The following KCNK10 variants were observed in gnomAD, a reference collection of about 807,000 sequenced individuals.
KCNK10 encodes potassium two pore domain channel subfamily K member 10.
A neutral mutation model predicts 47.7 loss-of-function variants in KCNK10; 25 were observed. The ratio of observed to expected loss-of-function variants is 0.52; its 90% confidence interval spans 0.38 to 0.73. The LOEUF (loss-of-function observed/expected upper bound fraction) is 0.73. Among genes scored for constraint, KCNK10 ranks in the 30% least tolerant of loss-of-function variants. KCNK10 has a pLI of 0.00. For synonymous variants in KCNK10, 303 were observed against 285.6 expected (o/e 1.06, Z -0.61); for missense variants, 563 against 714.5 (o/e 0.79, Z 2.42).
intron 1 of KCNK10, among the ~76,000 whole-genome samples, chr14:88,313,341 T>C (rs1888365416): frequency 6.6e-6 from 1 of 152,206 alleles, no homozygotes; most frequent in African/African-American, 2.4e-5. Flanking sequence ...AACGTGAATG[T>C]GATCACCCCC....
At chr14:88,261,579 C>G (rs1441158255) in intron 2 of KCNK10, among the ~76,000 whole-genome samples, 1 of 152,114 alleles carries the variant, frequency 6.6e-6, no homozygotes, top group Non-Finnish European at 1.5e-5. Flanking sequence ...ATGGTGAAAA[C>G]CTGTCTCTAC....
chr14:88,288,599 T>C (rs911581935), intron 1 of KCNK10, among the ~76,000 whole-genome samples: 1 of 152,180 alleles, frequency 6.6e-6, no homozygotes, highest in Non-Finnish European at 1.5e-5. Context: ...CACTGCATGC[T>C]GAAAACCTTC....
chr14:88,263,264 T>G lies in KCNK10; in HGVS notation c.340A>C (p.Lys114Gln), dbSNP rs1249733656. ...SSQKNTIALE[K>Q]AEFLRDHVCV... The stretch of plus-strand genomic sequence containing the variant: ...ACATGATCCCGCAGGAATTCCGCCT[T>G]CTCCAAGGCGATGGTATTCTTCTGG... The change falls in exon 2 of 7, where the codon AAG (lysine) becomes CAG (glutamine). Residue 114 changes from lysine to glutamine, a missense_variant. Lys to Gln is a moderately conservative substitution (Grantham distance 53). Coordinates refer to ENST00000319231, the MANE Select transcript of KCNK10 (RefSeq NM_138317.3). 5 of 1,614,012 alleles carry G rather than the reference T, an allele frequency of 3.1e-6. No individual in the cohort carries two copies. The African/African-American group carries it at 6.7e-5, about 22-fold the overall frequency.
intron 4 of KCNK10, among the ~76,000 whole-genome samples, chr14:88,212,040 C>G (rs76858037): frequency 0.045 from 6,738 of 151,134 alleles, 424 homozygotes; most frequent in East Asian, 0.25. Context: ...ATGGCACTCC[C>G]TTCTGAAGGT....
chr14:88,194,170 T>C (rs750066452), intron 4 of KCNK10, among the ~76,000 whole-genome samples: 9 of 152,332 alleles, frequency 5.9e-5, no homozygotes, highest in East Asian at 3.9e-4. Context: ...GTTGAAACTA[T>C]ATATGAAAAT....
At chr14:88,231,479 TC>T (rs1185259198) in intron 3 of KCNK10, among the ~76,000 whole-genome samples, 3 of 152,050 alleles carry the variant, frequency 2.0e-5, no homozygotes, top group Non-Finnish European at 2.9e-5. Flanking sequence ...TGAAAATGCC[TC>T]ACAGACTAAA....
chr14:88,197,442 A>G (rs1480748724), intron 4 of KCNK10, among the ~76,000 whole-genome samples: 1 of 151,742 alleles, frequency 6.6e-6, no homozygotes, highest in Non-Finnish European at 1.5e-5. Flanking sequence ...GCATGGTGGC[A>G]GATGTCTGTA....
intron 2 of KCNK10, among the ~76,000 whole-genome samples, chr14:88,255,971 A>G (rs907169161): frequency 6.6e-5 from 10 of 152,244 alleles, no homozygotes; most frequent in African/African-American, 2.2e-4. Context: ...AACAATCAGT[A>G]AGTGGTAGCT....
intron 4 of KCNK10, among the ~76,000 whole-genome samples, chr14:88,216,205 G>A (rs1595085553): frequency 6.6e-6 from 1 of 152,288 alleles, no homozygotes; most frequent in Non-Finnish European, 1.5e-5. Context: ...AAGGAGGAGA[G>A]TTCTGAGTCG....
At chr14:88,277,886 T>TA (rs1314151430) in intron 1 of KCNK10, among the ~76,000 whole-genome samples, 1 of 152,220 alleles carries the variant, frequency 6.6e-6, no homozygotes, top group African/African-American at 2.4e-5. Flanking sequence ...TTTCTCCTGC[T>TA]AGAGGATAAG....
At chr14:88,215,627 G>C (rs992465323) in intron 4 of KCNK10, among the ~76,000 whole-genome samples, 1 of 152,000 alleles carries the variant, frequency 6.6e-6, no homozygotes, top group African/African-American at 2.4e-5. Flanking sequence ...ACAAATGACC[G>C]ATCCAAGGCT....
intron 5 of KCNK10, among the ~76,000 whole-genome samples, chr14:88,191,339 A>AC (rs1315005984): frequency 8.7e-4 from 119 of 136,070 alleles, no homozygotes; most frequent in African/African-American, 3.2e-3. Context: ...CTGGTAAAGG[A>AC]AACACACACA....
chr14:88,183,530 T>C lies in KCNK10; in HGVS notation c.*2005A>G, dbSNP rs564780060. ...TTTTGTCAGGCTGGAATGATTCCCA[T>C]AGTAAAACTCAACATCCACACCTGC... is the stretch of plus-strand genomic sequence containing the variant. On this transcript the variant is annotated 3_prime_UTR_variant, in exon 7 of 7. Coordinates refer to ENST00000319231, the MANE Select transcript of KCNK10 (RefSeq NM_138317.3). 2 of 152,506 alleles carry C rather than the reference T, an allele frequency of 1.3e-5. No individual in the cohort carries two copies. Among genetic ancestry groups the C allele is most frequent in the East Asian group, 1.9e-4 (1 of 5,316 alleles). 9.4% of individuals were successfully genotyped at this position (152,506 alleles called of 1,614,324 possible).
chr14:88,311,603 C>T (rs964668851), intron 1 of KCNK10, among the ~76,000 whole-genome samples: 1 of 152,118 alleles, frequency 6.6e-6, no homozygotes, highest in Non-Finnish European at 1.5e-5. Flanking sequence ...CATGAGCCAC[C>T]GTTGTTATGC....
chr14:88,325,966 G>T (rs1391376764), upstream of KCNK10, among the ~76,000 whole-genome samples: 1 of 151,990 alleles, frequency 6.6e-6, no homozygotes, highest in Non-Finnish European at 1.5e-5. Context: ...GGGGAGGTGG[G>T]GGTAGACTCT....
At chr14:88,229,218 T>C (rs1277488568) in intron 3 of KCNK10, among the ~76,000 whole-genome samples, 1 of 152,150 alleles carries the variant, frequency 6.6e-6, no homozygotes, top group Non-Finnish European at 1.5e-5. Context: ...ATCTCATTAA[T>C]CCTGACAAGT....
chr14:88,229,753 T>G (rs1886103623), intron 3 of KCNK10, among the ~76,000 whole-genome samples: 1 of 152,160 alleles, frequency 6.6e-6, no homozygotes, highest in African/African-American at 2.4e-5. Context: ...AAGGAGAGAC[T>G]GTTTGACCCT....
chr14:88,326,503 G>GC (rs1566725912), upstream of KCNK10: 13 of 1,474,408 alleles, frequency 8.8e-6, no homozygotes, highest in South Asian at 1.1e-5. Flanking sequence ...CTGTGCCGCC[G>GC]CAACTTCCAT....
At chr14:88,251,232 CA>C (rs1160023262) in intron 2 of KCNK10, among the ~76,000 whole-genome samples, 106 of 70,176 alleles carry the variant, frequency 1.5e-3, no homozygotes, top group Middle Eastern at 9.3e-3. Flanking sequence ...GACTCTGTCT[CA>C]AAAAAAAAAA....
Sources: gnomAD v4.1 joint callset for allele counts (sites outside exome capture counted in the v4.1 genomes callset) on GRCh38, gnomAD v4.1.1 for gene constraint, MANE v1.5 for transcripts, NCBI Gene and HGNC (gene_info 2026-07-23, HGNC 2026-07-21) for gene names.